The following DLGAP1 variants were observed in gnomAD, a reference collection of about 807,000 sequenced individuals.
The protein encoded by DLGAP1 is DLG associated protein 1, also known as disks large-associated protein 1.
A neutral mutation model predicts 90.8 loss-of-function variants in DLGAP1; 11 were observed. That is an observed-to-expected ratio of 0.12 (90% confidence interval 0.08 to 0.20). The LOEUF (loss-of-function observed/expected upper bound fraction) is 0.20. DLGAP1 is among the 10% of genes least tolerant of loss of function. The probability of loss-of-function intolerance (pLI) is 1.00; values close to 1 mark genes in which losing one functional copy is unlikely to be tolerated. For synonymous variants in DLGAP1, 558 were observed against 540.7 expected (o/e 1.03, Z -0.44); for missense variants, 1,050 against 1,333.8 (o/e 0.79, Z 3.31).
intron 1 of DLGAP1, among the ~76,000 whole-genome samples, chr18:4,272,910 C>CT (rs2079318032): frequency 6.6e-6 from 1 of 152,056 alleles, no homozygotes; most frequent in Non-Finnish European, 1.5e-5. Context: ...CAGAGAAAAC[C>CT]TTGTGAAGGC....
chr18:3,515,777 CAAAAA>C (rs55680550), intron 10 of DLGAP1, among the ~76,000 whole-genome samples: 17 of 93,468 alleles, frequency 1.8e-4, no homozygotes, highest in Admixed American at 2.4e-4. Context: ...GACCCTGTCT[CAAAAA>C]AAAAAAAAAA....
chr18:4,149,913 G>A (rs1568422100), intron 2 of DLGAP1, among the ~76,000 whole-genome samples: 1 of 152,166 alleles, frequency 6.6e-6, no homozygotes, highest in Non-Finnish European at 1.5e-5. Context: ...CCCATGCATG[G>A]CTGGCACAGC....
chr18:3,627,522 G>A (rs1410694629), intron 7 of DLGAP1, among the ~76,000 whole-genome samples: 1 of 152,070 alleles, frequency 6.6e-6, no homozygotes, highest in Non-Finnish European at 1.5e-5. Context: ...CACGCTATCC[G>A]GATGCTTCTC....
intron 1 of DLGAP1, among the ~76,000 whole-genome samples, chr18:4,188,558 A>G (rs1194539687): frequency 6.6e-6 from 1 of 152,118 alleles, no homozygotes; most frequent in African/African-American, 2.4e-5. Context: ...GAGTGAGAAC[A>G]TGTAGTGTTT....
rs1411199996 is a variant in DLGAP1 at position 3,653,870 on chromosome 18, A to G, written c.1592-71622T>C. 1 of 152,190 alleles carries G rather than the reference A, an allele frequency of 6.6e-6. No individual in the cohort carries two copies. Among genetic ancestry groups the G allele is most frequent in the East Asian group, 1.9e-4 (1 of 5,196 alleles). The allele number at this position is 152,190 out of a possible 1,614,324, so 9.4% of individuals were successfully genotyped here. The stretch of plus-strand genomic sequence containing the variant: ...AAGCTGCCTTGAATTCATTCTGCAG[A>G]TGGAAAGTTGCAAGTACGGTAATTA... On this transcript the variant is annotated intron_variant, in intron 7 of 12. Coordinates refer to ENST00000315677, the MANE Select transcript of DLGAP1 (RefSeq NM_004746.4). This position sits in a 1 kb window ranked among gnomAD's most constrained non-coding sequence, Gnocchi z 4.6.
At chr18:4,269,548 G>T (rs931361199) in intron 1 of DLGAP1, among the ~76,000 whole-genome samples, 1 of 151,588 alleles carries the variant, frequency 6.6e-6, no homozygotes, top group African/African-American at 2.4e-5. Flanking sequence ...TAGAGACGGG[G>T]TTTCACCGTG....
At chr18:4,137,339 T>A (rs7230468) in intron 2 of DLGAP1, among the ~76,000 whole-genome samples, 7 of 152,246 alleles carry the variant, frequency 4.6e-5, no homozygotes, top group African/African-American at 1.4e-4. Context: ...TTCTTCTGCA[T>A]ATGGATATCC....
Position 3,526,927 on chromosome 18 carries a change from G to A in DLGAP1, c.2479+7267C>T, listed in dbSNP as rs2051661984. On this transcript the variant is annotated intron_variant, in intron 10 of 12. Transcript: ENST00000315677. This position sits in a 1 kb window ranked among gnomAD's most constrained non-coding sequence, Gnocchi z 4.7. Reference sequence around the variant, plus strand: ...TGCGGGAACAAGCATTCTGTCAGCTGTCTTGGCTTGGAGGAAACCTCACTC... The same window carrying A: ...TGCGGGAACAAGCATTCTGTCAGCTATCTTGGCTTGGAGGAAACCTCACTC... 6.6e-6 allele frequency among the ~76,000 whole-genome samples: 1 copy of A among 151,892 alleles called. No individual in the cohort carries two copies. The highest frequency in any genetic ancestry group is 1.5e-5 in the Non-Finnish European group (1 of 68,004).
chr18:4,055,228 C>A (rs1013416518), intron 2 of DLGAP1, among the ~76,000 whole-genome samples: 1 of 152,082 alleles, frequency 6.6e-6, no homozygotes, highest in South Asian at 2.1e-4. Context: ...TTCACCACAG[C>A]GGTTGAGAGA....
intron 1 of DLGAP1, among the ~76,000 whole-genome samples, chr18:4,439,966 A>G (rs2083491807): frequency 1.3e-5 from 2 of 151,518 alleles, no homozygotes; most frequent in Admixed American, 1.3e-4. Flanking sequence ...TAAAAATACA[A>G]AAAATTAGCC....
intron 2 of DLGAP1, among the ~76,000 whole-genome samples, chr18:4,143,478 A>T (rs2076529995): frequency 6.6e-6 from 1 of 151,446 alleles, no homozygotes; most frequent in African/African-American, 2.4e-5. Context: ...GCTTGTGGTG[A>T]GTGCTGCCAG....
At chr18:3,791,933 G>A (rs941522809) in intron 5 of DLGAP1, among the ~76,000 whole-genome samples, 21 of 152,244 alleles carry the variant, frequency 1.4e-4, no homozygotes, top group African/African-American at 4.8e-4. Flanking sequence ...ATTAAAAAAA[G>A]GCAAATGGGC....
Position 4,313,749 on chromosome 18 carries a change from A to G in DLGAP1, c.-267+141257T>C, listed in dbSNP as rs114402610. 5.0e-3 allele frequency among the ~76,000 whole-genome samples: 755 copies of G among 152,332 alleles called. 6 individuals are homozygous for G. Among genetic ancestry groups the G allele is most frequent in the African/African-American group, 0.017 (725 of 41,570 alleles). Reference sequence around the variant, plus strand: ...ATTGTAATACATTGAAAAAGAATAGATAACAAGTTGAACTTCACTACAGAT... The same window carrying G: ...ATTGTAATACATTGAAAAAGAATAGGTAACAAGTTGAACTTCACTACAGAT... On this transcript the variant is annotated intron_variant, in intron 1 of 12. Transcript: ENST00000315677.
chr18:4,066,454 C>G (rs1160350106), intron 2 of DLGAP1, among the ~76,000 whole-genome samples: 2 of 152,020 alleles, frequency 1.3e-5, no homozygotes, highest in Admixed American at 6.6e-5. Flanking sequence ...TATCCAGCAT[C>G]TACAAAGAAC....
chr18:3,786,117 T>C (rs1285725742), intron 5 of DLGAP1, among the ~76,000 whole-genome samples: 1 of 152,194 alleles, frequency 6.6e-6, no homozygotes, highest in African/African-American at 2.4e-5. Flanking sequence ...TCAGATGACA[T>C]TGATCTCACT....
chr18:3,755,866 C>A (rs1197223610), intron 5 of DLGAP1, among the ~76,000 whole-genome samples: 2 of 152,098 alleles, frequency 1.3e-5, no homozygotes, highest in Non-Finnish European at 2.9e-5. Context: ...AGAATACATA[C>A]TATTTTCAAG....
At chr18:3,999,968 C>T (rs7241978) in intron 3 of DLGAP1, among the ~76,000 whole-genome samples, 38,457 of 151,952 alleles carry the variant, frequency 0.25, 4,948 homozygotes, top group Middle Eastern at 0.34. Context: ...CATGCCACTG[C>T]GCCTGGCTAA....
intron 1 of DLGAP1, among the ~76,000 whole-genome samples, chr18:4,292,134 A>G (rs950067933): frequency 1.8e-4 from 27 of 152,178 alleles, no homozygotes; most frequent in African/African-American, 6.5e-4. Context: ...TTCTGCCATT[A>G]ATGAACTCAA....
In DLGAP1 at chr18:4,268,118, T is replaced by TGGC. The variant is rs996860742; in HGVS notation, c.-266-116834_-266-116832dup. ...CTGACAGGATGGTTACTACCTCAGG[T>TGGC]GGCAGCCTATTCCATCTCTGCACAA... On this transcript the variant is annotated intron_variant, in intron 1 of 12. Transcript: ENST00000315677. 7.9e-5 allele frequency among the ~76,000 whole-genome samples: 12 copies of TGGC among 152,202 alleles called. No homozygotes were observed. The East Asian group carries it at 2.3e-3, about 29-fold the overall frequency.
Sources: gnomAD v4.1 joint callset for allele counts (sites outside exome capture counted in the v4.1 genomes callset) on GRCh38, gnomAD v4.1.1 for gene constraint, Gnocchi (gnomAD v3.1) non-coding constraint, MANE v1.5 for transcripts, NCBI Gene and HGNC (gene_info 2026-07-23, HGNC 2026-07-21) for gene names.